Variants in TNFAIP3 observed in about 807,000 individuals in gnomAD.
The protein encoded by TNFAIP3 is tumor necrosis factor alpha-induced protein 3.
TNFAIP3 carries 9 observed loss-of-function variants against 72.4 expected under a neutral mutation model. That is an observed-to-expected ratio of 0.12 (90% CI 0.07 to 0.22). TNFAIP3 has a LOEUF of 0.22. Among genes scored for constraint, TNFAIP3 ranks in the 10% least tolerant of loss-of-function variants. TNFAIP3 has a pLI of 1.00. For synonymous variants in TNFAIP3, 339 were observed against 372.6 expected (o/e 0.91, Z 1.04); for missense variants, 833 against 1,018.7 (o/e 0.82, Z 2.48).
At chr6:137,875,523 C>T (rs1776217776) in intron 3 of TNFAIP3, among the ~76,000 whole-genome samples, 165 bp from the exon 4 acceptor site, 1 of 151,450 alleles carries the variant, frequency 6.6e-6, no homozygotes, top group South Asian at 2.1e-4. Flanking sequence ...AGGAAGAAAA[C>T]CGAAATGGGG....
chr6:137,877,317 C>T (rs1162029272), intron 6 of TNFAIP3, 61 bp downstream of exon 6: 4 of 1,472,820 alleles, frequency 2.7e-6, no homozygotes, highest in East Asian at 2.4e-5. Context: ...ACCTCAGCCA[C>T]CTGAGTTGCT....
Position 137,883,172 on chromosome 6 carries a change from T to C in TNFAIP3, c.*1853T>C, listed in dbSNP as rs5029958. On this transcript the variant is annotated 3_prime_UTR_variant, in exon 9 of 9. Transcript: ENST00000612899. Reference sequence around the variant, plus strand: ...GAAAAAAAGTAATTATTTATACTTATTATAAAAAGTATTTGAAATTTGCAC... The same window carrying C: ...GAAAAAAAGTAATTATTTATACTTACTATAAAAAGTATTTGAAATTTGCAC... The C allele has an allele frequency of 8.4e-3, 1,691 of 202,316 alleles. 19 individuals are homozygous for C. The highest frequency in any genetic ancestry group is 0.029 in the African/African-American group (1,287 of 43,754). The allele number at this position is 202,316 out of a possible 1,614,324, so 12.5% of individuals were successfully genotyped here. A position where few individuals can be genotyped will look rare whatever the true frequency, so the allele number is the denominator to read the frequency against.
At position 137,879,348 on chromosome 6, in the gene TNFAIP3, A is replaced by G; in HGVS notation, c.1903A>G (p.Lys635Glu). 2.5e-6 allele frequency: 4 copies of G among 1,609,262 alleles called. No homozygotes were observed. In the South Asian group the frequency reaches 4.4e-5, roughly 18 times the overall value. The change falls in exon 7 of 9, where the codon AAA becomes GAA. Residue 635 changes from lysine (K) to glutamate (E), a missense_variant. By Grantham distance (56) the Lys-to-Glu change is moderately conservative. This residue lies in a region of TNFAIP3 where 587 missense variants were observed against 657.8 expected (regional missense o/e 0.89). Transcript: ENST00000612899. ...GTGTTTCATCGAGTACAGAGAAAAC[A>G]AACGTGAGTGAAGTGGTTGACTTCC... ...TLCFIEYRENKHFAAASGKVS... is the reference protein window; with the variant it reads ...TLCFIEYRENEHFAAASGKVS...
chr6:137,876,670 T>G (rs1263286364), intron 5 of TNFAIP3, among the ~76,000 whole-genome samples: 1 of 152,188 alleles, frequency 6.6e-6, no homozygotes, highest in Admixed American at 6.5e-5. Flanking sequence ...TTTTACTGCA[T>G]TTTTATCCTT....
In TNFAIP3 at chr6:137,875,773, T is replaced by C; in HGVS notation, c.572T>C (p.Leu191Pro). 1.2e-6 allele frequency: 2 copies of C among 1,614,168 alleles called. No homozygotes were observed. Among genetic ancestry groups the C allele is most frequent in the Non-Finnish European group, 1.7e-6 (2 of 1,180,022 alleles). ...MARSGLQYNS[L>P]EEIHIFVLCN... ...CGAAGTGGACTTCAGTACAACTCAC[T>C]GGAAGAAATACACATATTTGTCCTT... Residue 191 changes from leucine to proline, a missense_variant, in exon 4 of 9, where the codon CTG (leucine) becomes CCG (proline). By Grantham distance (98) the Leu-to-Pro change is moderately conservative. This residue lies in a region of TNFAIP3 where 246 missense variants were observed against 360.9 expected (regional missense o/e 0.68). Transcript: ENST00000612899.
At chr6:137,872,477 T>A (rs910036769) in intron 2 of TNFAIP3, among the ~76,000 whole-genome samples, 1 of 152,218 alleles carries the variant, frequency 6.6e-6, no homozygotes, top group African/African-American at 2.4e-5. Flanking sequence ...CAGAAAATCC[T>A]TGTTGACAAG....
chr6:137,869,264 C>T (rs181994402), intron 1 of TNFAIP3, among the ~76,000 whole-genome samples: 7 of 152,178 alleles, frequency 4.6e-5, no homozygotes, highest in Middle Eastern at 3.4e-3. Context: ...TTAGTCCCAT[C>T]ATCAAGCATG....
At chr6:137,879,412 G>T in intron 7 of TNFAIP3, 61 bp downstream of exon 7, 1 of 1,526,246 alleles carries the variant, frequency 6.6e-7, no homozygotes, top group Non-Finnish European at 8.8e-7. Flanking sequence ...TTTTGTTCCT[G>T]ACCTTTAAGA....
chr6:137,870,439 C>T (rs1001166198), intron 1 of TNFAIP3, among the ~76,000 whole-genome samples: 11 of 152,118 alleles, frequency 7.2e-5, no homozygotes, highest in Non-Finnish European at 1.6e-4. Flanking sequence ...TAGTCTGTTT[C>T]TTATTCTGAT....
chr6:137,879,398 G>A (rs1481302932), intron 7 of TNFAIP3, 47 bp downstream of exon 7: 1 of 1,564,966 alleles, frequency 6.4e-7, no homozygotes, highest in East Asian at 2.2e-5. Context: ...CTGTCCAGAA[G>A]GGGTTTTGTT....
rs1016313423 is a variant in TNFAIP3 at position 137,881,195 on chromosome 6, G to A, written c.2249G>A (p.Gly750Asp). ...AGGATGGGCCCTGGGGCCCACCGGG[G>A]TGAGCCTGCCCCCGAAGACCCCCCC... is the stretch of plus-strand genomic sequence containing the variant. ...NQRMGPGAHR[G>D]EPAPEDPPKQ... The change falls in exon 9 of 9, where the codon GGT becomes GAT. Residue 750 changes from glycine to aspartate, a missense_variant. Around this residue, in one of 2 missense-constraint regions of TNFAIP3, gnomAD observed 587 missense variants for 657.8 expected, o/e 0.89. Transcript: ENST00000612899. The surrounding 1 kb of genome is among the most constrained non-coding windows in gnomAD (Gnocchi z 5.0). The A allele has an allele frequency of 1.9e-6, 3 of 1,613,586 alleles. No individual in the cohort carries two copies. Among genetic ancestry groups the A allele is most frequent in the African/African-American group, 2.7e-5 (2 of 75,012 alleles).
chr6:137,880,323 A>G (rs1328603356), intron 8 of TNFAIP3, 71 bp downstream of exon 8: 5 of 1,530,580 alleles, frequency 3.3e-6, no homozygotes, highest in Non-Finnish European at 4.5e-6. Flanking sequence ...TTTTCTACCG[A>G]CAGTGACAAG....
In TNFAIP3 at chr6:137,875,033, C is replaced by T. The variant is rs587778710; in HGVS notation, c.484C>T (p.Arg162Trp). The T allele has an allele frequency of 2.1e-5, 34 of 1,613,922 alleles. No homozygotes were observed. Among genetic ancestry groups the T allele is most frequent in the East Asian group, 8.9e-5 (4 of 44,902 alleles). Reference protein sequence around the residue: ...FVETGLCYDTRNWNDEWDNLI... With the variant: ...FVETGLCYDTWNWNDEWDNLI... The stretch of plus-strand genomic sequence containing the variant: ...TGAAACGGGGCTTTGCTATGATACT[C>T]GGGTAGGTTTTTCCCCCTAATTATC... Residue 162 changes from arginine to tryptophan, a missense_variant and splice_region_variant, in exon 3 of 9, where the codon CGG (arginine) becomes TGG (tryptophan). Transcript: ENST00000612899.
At chr6:137,869,111 G>C (rs954604207) in intron 1 of TNFAIP3, among the ~76,000 whole-genome samples, 1 of 152,216 alleles carries the variant, frequency 6.6e-6, no homozygotes, top group East Asian at 1.9e-4. Flanking sequence ...GCAAGGGGCA[G>C]GTATTGAAAG....
chr6:137,876,100 C>G lies in TNFAIP3; in HGVS notation c.739C>G (p.Pro247Ala), dbSNP rs1276825869. 1.9e-6 allele frequency: 3 copies of G among 1,613,996 alleles called. No homozygotes were observed. Among genetic ancestry groups the G allele is most frequent in the Non-Finnish European group, 2.5e-6 (3 of 1,180,018 alleles). Residue 247 changes from proline (P) to alanine (A), a missense_variant, in exon 5 of 9, where the codon CCC becomes GCC. Around this residue, in one of 2 missense-constraint regions of TNFAIP3, gnomAD observed 246 missense variants for 360.9 expected, o/e 0.68. Coordinates refer to ENST00000612899, the MANE Select transcript of TNFAIP3 (RefSeq NM_001270508.2). ...GCCTGCCCAGGAATGCTACAGATACCCCATTGTTCTCGGCTATGACAGCCA... is the reference window on the plus strand; with the variant it reads ...GCCTGCCCAGGAATGCTACAGATACGCCATTGTTCTCGGCTATGACAGCCA... ...HWPAQECYRY[P>A]IVLGYDSHHF...
chr6:137,874,267 C>T (rs1016729345), intron 2 of TNFAIP3, among the ~76,000 whole-genome samples: 1 of 152,176 alleles, frequency 6.6e-6, no homozygotes, highest in Non-Finnish European at 1.5e-5. Context: ...GTTGTCAATA[C>T]GACTTTCCAC....
At position 137,881,062 on chromosome 6, in the gene TNFAIP3, C is replaced by T. The variant is rs1255599518; in HGVS notation, c.2116C>T (p.Arg706Ter). 1 of 1,612,094 alleles carries T rather than the reference C, an allele frequency of 6.2e-7. No homozygotes were observed. The highest frequency in any genetic ancestry group is 1.3e-5 in the African/African-American group (1 of 74,816). Reference protein sequence around the residue: ...LRSSQRRDVPRTTQSTSRPKC... With the variant: ...LRSSQRRDVP ...ATCGAGCCAGCGCAGAGATGTGCCT[C>T]GAACCACACAAAGCACCTCAAGGCC... Residue 706 changes from arginine to a stop codon, truncating the protein, a stop_gained, in exon 9 of 9, where the codon CGA becomes TGA. Transcript: ENST00000612899. LOFTEE classifies it high-confidence loss of function. The surrounding 1 kb of genome is among the most constrained non-coding windows in gnomAD (Gnocchi z 5.0).
chr6:137,879,987 A>G, intron 7 of TNFAIP3, 84 bp from the exon 8 acceptor site: 1 of 1,201,590 alleles, frequency 8.3e-7, no homozygotes, highest in East Asian at 2.4e-5. Context: ...TGTATTTGGA[A>G]CCCATTTATT....
chr6:137,874,755 C>T, intron 2 of TNFAIP3, 90 bp from the exon 3 acceptor site: 1 of 1,275,168 alleles, frequency 7.8e-7, no homozygotes, highest in Non-Finnish European at 1.1e-6. Context: ...CCTAGAATAG[C>T]AGTAGGGCTG....
Sources: gnomAD v4.1 joint callset for allele counts (sites outside exome capture counted in the v4.1 genomes callset) on GRCh38, gnomAD v4.1.1 for gene constraint, gnomAD v4.1.1 regional missense constraint, Gnocchi (gnomAD v3.1) non-coding constraint, MANE v1.5 for transcripts, NCBI Gene and HGNC (gene_info 2026-07-23, HGNC 2026-07-21) for gene names.